The following TMEM132B variants were observed in gnomAD, a reference collection of about 807,000 sequenced individuals.
TMEM132B encodes the protein transmembrane protein 132B.
In TMEM132B, 18 loss-of-function variants were observed where a neutral mutation model predicts 90.8. The observed-to-expected ratio is 0.20, with a 90% CI of 0.14 to 0.29. The LOEUF is 0.29. Among genes scored for constraint, TMEM132B ranks in the 10% least tolerant of loss-of-function variants. The probability of loss-of-function intolerance (pLI) is 1.00; values close to 1 mark genes in which losing one functional copy is unlikely to be tolerated. For synonymous variants in TMEM132B, 504 were observed against 523.3 expected (o/e 0.96, Z 0.50); for missense variants, 1,096 against 1,326.8 (o/e 0.83, Z 2.70).
intron 3 of TMEM132B, among the ~76,000 whole-genome samples, chr12:125,424,779 C>T (rs1271687977): frequency 1.3e-5 from 2 of 152,014 alleles, no homozygotes; most frequent in Non-Finnish European, 2.9e-5. Context: ...AAGAGACCTC[C>T]GTATGGAGGG....
intron 2 of TMEM132B, among the ~76,000 whole-genome samples, chr12:125,378,959 C>G (rs1223164913): frequency 6.6e-6 from 1 of 152,100 alleles, no homozygotes; most frequent in South Asian, 2.1e-4. Context: ...GTATAGCCCC[C>G]ACCCCCCTCA....
chr12:125,328,440 G>A (rs968412862), intron 1 of TMEM132B, among the ~76,000 whole-genome samples: 3 of 152,196 alleles, frequency 2.0e-5, no homozygotes, highest in Non-Finnish European at 4.4e-5. Context: ...TCCATCATAC[G>A]TTTATTCTCT....
Position 125,303,973 on chromosome 12 carries a change from C to G in TMEM132B, c.68-45479C>G, listed in dbSNP as rs112627867. On this transcript the variant is annotated intron_variant, in intron 1 of 8. Coordinates refer to ENST00000682704, the MANE Select transcript of TMEM132B (RefSeq NM_001366854.1). The stretch of plus-strand genomic sequence containing the variant: ...GTATAGTGTCCTCCAATGTAGCAGT[C>G]CCCAACATTTTTGGCACCAGGGACT... Among the ~76,000 whole-genome samples the G allele has an allele frequency of 8.2e-3, 1,256 of 152,312 alleles. 23 individuals carry two copies. The highest frequency in any genetic ancestry group is 0.029 in the African/African-American group (1,199 of 41,564).
chr12:125,421,572 A>G (rs143704771), intron 3 of TMEM132B, among the ~76,000 whole-genome samples: 35 of 152,376 alleles, frequency 2.3e-4, no homozygotes, highest in Non-Finnish European at 4.0e-4. Flanking sequence ...CTATAATTCA[A>G]TATGAGATCT....
chr12:125,336,163 CT>C (rs1026482390), intron 1 of TMEM132B, among the ~76,000 whole-genome samples: 13 of 152,310 alleles, frequency 8.5e-5, no homozygotes, highest in South Asian at 4.2e-4. Context: ...TTTCCAGCCC[CT>C]TCTGTCCGGC....
In TMEM132B at chr12:125,498,259, A is replaced by T. The variant is rs563248269; in HGVS notation, c.1107-21180A>T. Among the ~76,000 whole-genome samples, 8 of 152,340 alleles carry T rather than the reference A, an allele frequency of 5.3e-5. No homozygotes were observed. The East Asian group carries it at 1.3e-3, about 26-fold the overall frequency. The stretch of plus-strand genomic sequence containing the variant: ...AGAACAGTAAAGGATGATTTAATTT[A>T]CATGGGAATGCTGAGTTGATGGCTA... On this transcript the variant is annotated intron_variant, in intron 3 of 8. Coordinates refer to ENST00000682704, the MANE Select transcript of TMEM132B (RefSeq NM_001366854.1). This position sits in a 1 kb window ranked among gnomAD's most constrained non-coding sequence, Gnocchi z 4.5.
At chr12:125,610,523 T>C (rs1001182256) in intron 5 of TMEM132B, among the ~76,000 whole-genome samples, 2 of 152,198 alleles carry the variant, frequency 1.3e-5, no homozygotes, top group African/African-American at 4.8e-5. Context: ...TTGTTCTTTA[T>C]TGATATGCTC....
At chr12:125,414,555 T>G (rs1177172240) in intron 2 of TMEM132B, among the ~76,000 whole-genome samples, 1 of 152,222 alleles carries the variant, frequency 6.6e-6, no homozygotes. Flanking sequence ...CACAGGCTTC[T>G]GGGAAGCAGA....
chr12:125,513,225 C>A lies in TMEM132B; in HGVS notation c.1107-6214C>A, dbSNP rs376882154. Among the ~76,000 whole-genome samples the A allele has an allele frequency of 1.9e-4, 29 of 152,340 alleles. 1 individual carries two copies. In the East Asian group the frequency reaches 3.1e-3, roughly 16 times the overall value. ...GTTTAACACTCTTCATTCATTCATT[C>A]ATTCAACAGATGTCTAATGAGCATC... On this transcript the variant is annotated intron_variant, in intron 3 of 8. Transcript: ENST00000682704.
chr12:125,246,013 A>G lies in TMEM132B; in HGVS notation c.67+59147A>G, dbSNP rs1874200009. ...TGATAATAACAAGGACCATTTTAAC[A>G]CAAAACGGGACCCTCGTGTGCTTCT... is the stretch of plus-strand genomic sequence containing the variant. On this transcript the variant is annotated intron_variant, in intron 1 of 8. Transcript: ENST00000682704. This position sits in a 1 kb window ranked among gnomAD's most constrained non-coding sequence, Gnocchi z 4.2. Among the ~76,000 whole-genome samples the G allele has an allele frequency of 6.6e-6, 1 of 152,200 alleles. No individual in the cohort carries two copies. Among genetic ancestry groups the G allele is most frequent in the African/African-American group, 2.4e-5 (1 of 41,452 alleles).
chr12:125,654,276 G>A lies in TMEM132B; in HGVS notation c.2818G>A (p.Glu940Lys), dbSNP rs367795136. Residue 940 changes from glutamate to lysine, a missense_variant, in exon 9 of 9, where the codon GAG becomes AAG. Glu to Lys is a moderately conservative substitution (Grantham distance 56). Coordinates refer to ENST00000682704, the MANE Select transcript of TMEM132B (RefSeq NM_001366854.1). The surrounding 1 kb of genome is among the most constrained non-coding windows in gnomAD (Gnocchi z 5.8). Reference sequence around the variant, plus strand: ...CAGACACAAAAGGTTTGCTGTGAGTGAGCAGGGCAACATCCCCCATTCCCA... The same window carrying A: ...CAGACACAAAAGGTTTGCTGTGAGTAAGCAGGGCAACATCCCCCATTCCCA... ...KYRHKRFAVSEQGNIPHSHDW... is the reference protein window; with the variant it reads ...KYRHKRFAVSKQGNIPHSHDW... 19 of 1,613,580 alleles carry A rather than the reference G, an allele frequency of 1.2e-5. No individual in the cohort carries two copies. Among genetic ancestry groups the A allele is most frequent in the Non-Finnish European group, 1.4e-5 (17 of 1,180,052 alleles).
chr12:125,486,982 C>G (rs1025601491), intron 3 of TMEM132B, among the ~76,000 whole-genome samples: 2 of 152,138 alleles, frequency 1.3e-5, no homozygotes, highest in African/African-American at 4.8e-5. Context: ...GATTGTTGTT[C>G]TTGTAAAATT....
At chr12:125,594,549 A>G (rs542371105) in intron 5 of TMEM132B, among the ~76,000 whole-genome samples, 6 of 152,310 alleles carry the variant, frequency 3.9e-5, no homozygotes, top group African/African-American at 1.2e-4. Context: ...ACTTAGTATG[A>G]TCAGTCTTTT....
At chr12:125,645,385 T>G (rs1315870804) in intron 6 of TMEM132B, among the ~76,000 whole-genome samples, 1 of 152,134 alleles carries the variant, frequency 6.6e-6, no homozygotes. Context: ...ACCCAACAGA[T>G]AAGCCCTCTG....
At chr12:125,578,151 C>T (rs1019084458) in intron 4 of TMEM132B, among the ~76,000 whole-genome samples, 2 of 151,994 alleles carry the variant, frequency 1.3e-5, no homozygotes, top group African/African-American at 2.4e-5. Flanking sequence ...CTTCCTTTTC[C>T]TTGTTGATCT....
chr12:125,281,900 C>T (rs1875190591), intron 1 of TMEM132B, among the ~76,000 whole-genome samples: 1 of 151,450 alleles, frequency 6.6e-6, no homozygotes, highest in South Asian at 2.1e-4. Flanking sequence ...AGGTGGCAGG[C>T]GCCTGTAGTC....
intron 5 of TMEM132B, chr12:125,586,575 G>A (rs559101493): frequency 6.6e-6 from 1 of 152,360 alleles, no homozygotes; most frequent in African/African-American, 2.4e-5. Context: ...GTATCGTGAA[G>A]AAATCTTGAG....
At chr12:125,606,675 T>C (rs375484026) in intron 5 of TMEM132B, among the ~76,000 whole-genome samples, 33 of 152,226 alleles carry the variant, frequency 2.2e-4, no homozygotes, top group African/African-American at 7.7e-4. Flanking sequence ...TCAGAGCTCT[T>C]ATCCCTCCCC....
At chr12:125,610,157 T>C (rs942730826) in intron 5 of TMEM132B, among the ~76,000 whole-genome samples, 1 of 152,150 alleles carries the variant, frequency 6.6e-6, no homozygotes, top group Non-Finnish European at 1.5e-5. Flanking sequence ...ATTTTCTATA[T>C]ATATAATAGC....
Sources: gnomAD v4.1 joint callset for allele counts (sites outside exome capture counted in the v4.1 genomes callset) on GRCh38, gnomAD v4.1.1 for gene constraint, Gnocchi (gnomAD v3.1) non-coding constraint, MANE v1.5 for transcripts, NCBI Gene and HGNC (gene_info 2026-07-23, HGNC 2026-07-21) for gene names.